Variants in LMNA observed in about 807,000 individuals in gnomAD.
The protein encoded by LMNA is lamin A/C.
LMNA carries 20 observed loss-of-function variants against 70.4 expected under a neutral mutation model. The observed-to-expected ratio is 0.28, with a 90% CI of 0.20 to 0.41. The LOEUF is 0.41. Among genes scored for constraint, LMNA ranks in the 10% least tolerant of loss-of-function variants. The pLI is 1.00. For missense variants in LMNA, 652 were observed against 917.2 expected (o/e 0.71, Z 3.73); for synonymous variants, 339 against 372.8 (o/e 0.91, Z 1.04).
intron 3 of LMNA, among the ~76,000 whole-genome samples, chr1:156,099,384 G>A (rs533255377): frequency 2.6e-5 from 4 of 152,302 alleles, no homozygotes; most frequent in African/African-American, 9.6e-5. Flanking sequence ...GGCCTTTGAA[G>A]CTAGGTCTCT....
At position 156,103,049 on chromosome 1, in the gene LMNA, A is replaced by G. The variant is rs1189449103; in HGVS notation, c.-206-11664A>G. Among the ~76,000 whole-genome samples, 3 of 152,012 alleles carry G rather than the reference A, an allele frequency of 2.0e-5. No homozygotes were observed. Among genetic ancestry groups the G allele is most frequent in the Non-Finnish European group, 4.4e-5 (3 of 68,000 alleles). On this transcript the variant is annotated intron_variant, in intron 3 of 12. Transcript: ENST00000368301. The surrounding 1 kb of genome is among the most constrained non-coding windows in gnomAD (Gnocchi z 4.7). Reference sequence around the variant, plus strand: ...TCCGTCTCTCCCCTGGTTTCATTTCACAGCCAAGCCCTCATCTATCCTTGC... The same window carrying G: ...TCCGTCTCTCCCCTGGTTTCATTTCGCAGCCAAGCCCTCATCTATCCTTGC...
intron 3 of LMNA, among the ~76,000 whole-genome samples, chr1:156,104,392 G>T (rs757618101): frequency 6.6e-6 from 1 of 152,156 alleles, no homozygotes; most frequent in Non-Finnish European, 1.5e-5. Context: ...GAGCACTGGC[G>T]TCAGCCGAGG....
At chr1:156,096,959 G>A (rs1648959743) in intron 3 of LMNA, among the ~76,000 whole-genome samples, 2 of 152,228 alleles carry the variant, frequency 1.3e-5, no homozygotes, top group Non-Finnish European at 1.5e-5. Context: ...ACCCCTCCCA[G>A]AAAGATGTTT....
chr1:156,124,307 G>A (rs1326029364), intron 1 of LMNA, among the ~76,000 whole-genome samples: 1 of 150,070 alleles, frequency 6.7e-6, no homozygotes, highest in Non-Finnish European at 1.5e-5. Flanking sequence ...CTTTTTTTTT[G>A]AGATGGAGTC....
At chr1:156,093,294 T>C (rs139483683) in intron 3 of LMNA, among the ~76,000 whole-genome samples, 6 of 150,238 alleles carry the variant, frequency 4.0e-5, no homozygotes, top group Non-Finnish European at 7.4e-5. Context: ...TCAATTTATA[T>C]GTCAATTTTT....
chr1:156,106,774 G>A (rs1318893578), intron 3 of LMNA: 1 of 152,256 alleles, frequency 6.6e-6, no homozygotes, highest in Non-Finnish European at 1.5e-5. Context: ...AATTTCTGCT[G>A]AATTTCCTTC....
intron 1 of LMNA, among the ~76,000 whole-genome samples, chr1:156,127,587 C>T (rs910800930): frequency 7.2e-6 from 1 of 138,502 alleles, no homozygotes; most frequent in Non-Finnish European, 1.5e-5. Flanking sequence ...GGCACAATCT[C>T]GGCTCACTGC....
At chr1:156,126,691 T>A in intron 1 of LMNA, 1 of 1,516,070 alleles carries the variant, frequency 6.6e-7, no homozygotes, top group East Asian at 2.4e-5. Flanking sequence ...TCTTTTCCTC[T>A]CTGTTCCCCT....
intron 1 of LMNA, among the ~76,000 whole-genome samples, chr1:156,124,123 C>A (rs1406725013): frequency 6.6e-6 from 1 of 152,164 alleles, no homozygotes; most frequent in Non-Finnish European, 1.5e-5. Context: ...CAGAGCCATG[C>A]CTGCTGTGGG....
intron 3 of LMNA, among the ~76,000 whole-genome samples, chr1:156,097,975 C>T (rs1649003125): frequency 1.3e-5 from 2 of 152,130 alleles, no homozygotes; most frequent in African/African-American, 2.4e-5. Context: ...GTGTGATCAT[C>T]ATGTCTACAC....
rs561469495 is a variant in LMNA, at chr1:156,126,092, G to A, written c.357-4525G>A. On this transcript the variant is annotated intron_variant, in intron 1 of 11. Coordinates refer to ENST00000368300, the MANE Select transcript of LMNA (RefSeq NM_170707.4). ...TACAGGAGAGCATTTGCCACCAGGC[G>A]GACTCCCTGTACCCACCCGGCCACA... 1.3e-4 allele frequency: 140 copies of A among 1,104,800 alleles called. 2 individuals carry two copies. The highest frequency in any genetic ancestry group is 5.3e-4 in the South Asian group (26 of 49,184). 68.4% of individuals were successfully genotyped at this position (1,104,800 alleles called of 1,614,324 possible).
intron 2 of LMNA, among the ~76,000 whole-genome samples, chr1:156,085,758 T>C (rs1375515428): frequency 6.6e-6 from 1 of 152,172 alleles, no homozygotes; most frequent in Non-Finnish European, 1.5e-5. Flanking sequence ...CAAATGGAAA[T>C]AATAAGCCAA....
chr1:156,104,341 TGTC>T (rs919378567), intron 3 of LMNA, among the ~76,000 whole-genome samples: 1 of 152,168 alleles, frequency 6.6e-6, no homozygotes, highest in South Asian at 2.1e-4. Context: ...TAGCAACTGT[TGTC>T]GTCTGGTAAA....
Position 156,139,149 on chromosome 1 carries a change from G to A in LMNA, c.*43G>A, listed in dbSNP as rs543260437. The A allele has an allele frequency of 2.7e-5, 44 of 1,612,876 alleles. No homozygotes were observed. The highest frequency in any genetic ancestry group is 6.7e-5 in the East Asian group (3 of 44,872). On this transcript the variant is annotated 3_prime_UTR_variant, in exon 12 of 12. Transcript: ENST00000368300. ...AGGGGTGGGGGTGGAGGCTTCCTGC[G>A]TCCTCCTCACCTCATGCCCACCCCC...
At chr1:156,110,050 C>T (rs999338182), upstream of LMNA, among the ~76,000 whole-genome samples, 1 of 151,874 alleles carries the variant, frequency 6.6e-6, no homozygotes, top group African/African-American at 2.4e-5. Context: ...ACTATGTTGG[C>T]CAGGTTGGTC....
intron 3 of LMNA, among the ~76,000 whole-genome samples, chr1:156,095,565 C>G (rs1038345174): frequency 6.6e-6 from 1 of 150,886 alleles, no homozygotes; most frequent in African/African-American, 2.4e-5. Context: ...CCAGGTTGGG[C>G]AGGCTGGTCT....
Position 156,138,024 on chromosome 1 carries a change from G to T in LMNA, c.1698+281G>T. 1 of 623,956 alleles carries T rather than the reference G, an allele frequency of 1.6e-6. No individual in the cohort carries two copies. Among genetic ancestry groups the T allele is most frequent in the South Asian group, 2.0e-5 (1 of 50,288 alleles). 38.7% of individuals were successfully genotyped at this position (623,956 alleles called of 1,614,324 possible). ...GGACAAGGGTCTGGATTTGTCTTCT[G>T]GGAAAGGGAGGGGAGGACAGACGTG... On this transcript the variant is annotated intron_variant, in intron 10 of 11. Transcript: ENST00000368300. The surrounding 1 kb of genome is among the most constrained non-coding windows in gnomAD (Gnocchi z 5.5).
chr1:156,133,110 G>T (rs544331916), intron 2 of LMNA, among the ~76,000 whole-genome samples: 1 of 151,962 alleles, frequency 6.6e-6, no homozygotes, highest in South Asian at 2.1e-4. Context: ...AAAGTGCTGG[G>T]ATTACAGGCG....
At chr1:156,108,817 T>G (rs977738827) in intron 3 of LMNA, among the ~76,000 whole-genome samples, 3 of 152,188 alleles carry the variant, frequency 2.0e-5, no homozygotes, top group South Asian at 4.1e-4. Context: ...AGACAAGTGA[T>G]TCTCAATAAG....
Sources: gnomAD v4.1 joint callset for allele counts (sites outside exome capture counted in the v4.1 genomes callset) on GRCh38, gnomAD v4.1.1 for gene constraint, Gnocchi (gnomAD v3.1) non-coding constraint, MANE v1.5 for transcripts, NCBI Gene and HGNC (gene_info 2026-07-23, HGNC 2026-07-21) for gene names.